Variants in ADAMTS17 observed in about 807,000 individuals in gnomAD.
ADAMTS17 encodes A disintegrin and metalloproteinase with thrombospondin motifs 17.
Under a neutral mutation model 141.5 loss-of-function variants are expected in ADAMTS17, and 113 were observed. The observed-to-expected ratio is 0.80, with a 90% CI of 0.69 to 0.93. The LOEUF is 0.93. ADAMTS17 is among the 40% of genes least tolerant of loss of function. The pLI is 0.00. For missense variants in ADAMTS17, 1,659 were observed against 1,517.9 expected (o/e 1.09, Z -1.54); for synonymous variants, 768 against 630.6 (o/e 1.22, Z -3.27).
intron 12 of ADAMTS17, among the ~76,000 whole-genome samples, chr15:100,130,090 C>T (rs981624687): frequency 9.9e-5 from 15 of 152,184 alleles, no homozygotes; most frequent in Non-Finnish European, 2.2e-4. Context: ...CTGGATTGGG[C>T]ATGGTGGCTC....
Position 99,997,283 on chromosome 15 carries a change from TG to T in ADAMTS17, c.2796+101del. The T allele has an allele frequency of 7.5e-7, 1 of 1,335,364 alleles. No individual in the cohort carries two copies. Among genetic ancestry groups the T allele is most frequent in the Non-Finnish European group, 1.1e-6 (1 of 935,382 alleles). 82.7% of individuals were successfully genotyped at this position (1,335,364 alleles called of 1,614,324 possible). ...GCTATAACACAACTTCAAGCTGACCTGGGGGCGAGCGAGGGCTGGGAGGCAC... is the reference window on the plus strand; with the variant it reads ...GCTATAACACAACTTCAAGCTGACCTGGGGCGAGCGAGGGCTGGGAGGCAC... On this transcript the variant is annotated intron_variant, in intron 19 of 21. Coordinates refer to ENST00000268070, the MANE Select transcript of ADAMTS17 (RefSeq NM_139057.4). The surrounding 1 kb of genome is among the most constrained non-coding windows in gnomAD (Gnocchi z 4.7).
intron 14 of ADAMTS17, among the ~76,000 whole-genome samples, chr15:100,103,574 C>CTTT (rs11411616): frequency 1.8e-3 from 267 of 150,148 alleles, no homozygotes; most frequent in East Asian, 0.01. Context: ...TCCAGCCACT[C>CTTT]TTTTTTTTTC....
Position 100,331,045 on chromosome 15 carries a change from T to C in ADAMTS17, c.460A>G (p.Ile154Val), listed in dbSNP as rs767247318. The change falls in exon 3 of 22, where the codon ATT becomes GTT. Residue 154 changes from isoleucine to valine, a missense_variant. Coordinates refer to ENST00000268070, the MANE Select transcript of ADAMTS17 (RefSeq NM_139057.4). ...AGCACCTGCTCCTGCCCAAGCTGAA[T>C]GAGGCCAACCTGTCCAGAAAGGAGA... ...CGAAGGLVGL[I>V]QLGQEQVLIQ... is the part of the protein sequence containing the mutation. 3.1e-6 allele frequency: 5 copies of C among 1,614,030 alleles called. No homozygotes were observed. Among genetic ancestry groups the C allele is most frequent in the Non-Finnish European group, 4.2e-6 (5 of 1,180,050 alleles).
At chr15:100,051,963 C>T (rs1275163286) in intron 16 of ADAMTS17, among the ~76,000 whole-genome samples, 1 of 152,200 alleles carries the variant, frequency 6.6e-6, no homozygotes, top group Non-Finnish European at 1.5e-5. Context: ...GAGTTCTGTT[C>T]TTTCCTACCC....
chr15:100,313,716 A>G (rs2045474519), intron 3 of ADAMTS17, among the ~76,000 whole-genome samples: 1 of 152,162 alleles, frequency 6.6e-6, no homozygotes, highest in Admixed American at 6.5e-5. Context: ...CTGGACACGT[A>G]CACCCCAAAT....
At chr15:100,000,351 G>A (rs1378686504) in intron 18 of ADAMTS17, among the ~76,000 whole-genome samples, 1 of 152,082 alleles carries the variant, frequency 6.6e-6, no homozygotes, top group Non-Finnish European at 1.5e-5. Context: ...CTCTTCTTTT[G>A]GCCAAGAGTT....
At chr15:100,077,218 T>C (rs2034435528) in intron 15 of ADAMTS17, among the ~76,000 whole-genome samples, 2 of 128,234 alleles carry the variant, frequency 1.6e-5, no homozygotes, top group Non-Finnish European at 3.1e-5. Flanking sequence ...CTGAGACAGG[T>C]GGAACACTTG....
At chr15:100,092,969 C>G (rs1313341659) in intron 15 of ADAMTS17, among the ~76,000 whole-genome samples, 1 of 152,186 alleles carries the variant, frequency 6.6e-6, no homozygotes. Context: ...ATGAAAGCAT[C>G]ATACTCAAAT....
intron 8 of ADAMTS17, among the ~76,000 whole-genome samples, chr15:100,182,753 T>A (rs1292200029): frequency 6.6e-6 from 1 of 152,184 alleles, no homozygotes; most frequent in Non-Finnish European, 1.5e-5. Flanking sequence ...CTGTTTTATT[T>A]GGCCATCTTG....
chr15:100,111,159 C>A (rs537165509), intron 13 of ADAMTS17, among the ~76,000 whole-genome samples: 23 of 152,262 alleles, frequency 1.5e-4, no homozygotes, highest in African/African-American at 5.5e-4. Flanking sequence ...AGGGACTGAC[C>A]CCTCCCTCAC....
Position 100,155,207 on chromosome 15 carries a change from C to T in ADAMTS17, c.1295G>A (p.Ser432Asn), listed in dbSNP as rs780868958. The T allele has an allele frequency of 6.2e-7, 1 of 1,614,208 alleles. No individual in the cohort carries two copies. Among genetic ancestry groups the T allele is most frequent in the Non-Finnish European group, 8.5e-7 (1 of 1,180,036 alleles). The change falls in exon 9 of 22, where the codon AGC (serine) becomes AAC (asparagine). Residue 432 changes from serine to asparagine, a missense_variant. Ser to Asn is a conservative substitution (Grantham distance 46). Coordinates refer to ENST00000268070, the MANE Select transcript of ADAMTS17 (RefSeq NM_139057.4). ...GAGGAAGTTTTCAAGGTCATCTCGG[C>T]TGCAGGAGGACCAAGAGAGGTCACT... ...NPSDLSWSSC[S>N]RDDLENFLKS...
At chr15:100,310,930 G>T (rs1005532356) in intron 3 of ADAMTS17, among the ~76,000 whole-genome samples, 1 of 152,210 alleles carries the variant, frequency 6.6e-6, no homozygotes, top group Non-Finnish European at 1.5e-5. Context: ...TGGAAAGCAG[G>T]CTTTGCAAAA....
rs368715764 is a variant in ADAMTS17 at position 100,118,732 on chromosome 15, G to T, written c.1722-1719C>A. 4.3e-4 allele frequency among the ~76,000 whole-genome samples: 66 copies of T among 152,244 alleles called. No homozygotes were observed. The East Asian group carries it at 9.3e-3, about 21-fold the overall frequency. Reference sequence around the variant, plus strand: ...ACACGGCATGGAAGGAGCACAGAAGGGCTGGCCCCCAAAAGCCACATGGAT... The same window carrying T: ...ACACGGCATGGAAGGAGCACAGAAGTGCTGGCCCCCAAAAGCCACATGGAT... On this transcript the variant is annotated intron_variant, in intron 12 of 21. Coordinates refer to ENST00000268070, the MANE Select transcript of ADAMTS17 (RefSeq NM_139057.4).
chr15:100,155,125 T>C lies in ADAMTS17; in HGVS notation c.1322+55A>G, dbSNP rs1596125572. On this transcript the variant is annotated intron_variant, in intron 9 of 21. Coordinates refer to ENST00000268070, the MANE Select transcript of ADAMTS17 (RefSeq NM_139057.4). Reference sequence around the variant, plus strand: ...ACTTGCTGAGACTCCAATACTTTTGTCTTTTGGAAGTACTTTTGATTGCAT... The same window carrying C: ...ACTTGCTGAGACTCCAATACTTTTGCCTTTTGGAAGTACTTTTGATTGCAT... 45 of 1,613,078 alleles carry C rather than the reference T, an allele frequency of 2.8e-5. 1 individual carries two copies. The highest frequency in any genetic ancestry group is 3.3e-4 in the Middle Eastern group (2 of 6,062).
chr15:100,189,731 G>A (rs1006675531), intron 8 of ADAMTS17, among the ~76,000 whole-genome samples: 1 of 152,186 alleles, frequency 6.6e-6, no homozygotes, highest in Admixed American at 6.5e-5. Flanking sequence ...CTATGTCCTT[G>A]GTATGGCGAT....
Position 99,993,564 on chromosome 15 carries a change from C to G in ADAMTS17, c.2797-364G>C, listed in dbSNP as rs1324593646. Among the ~76,000 whole-genome samples, 1 of 152,172 alleles carries G rather than the reference C, an allele frequency of 6.6e-6. No individual in the cohort carries two copies. Among genetic ancestry groups the G allele is most frequent in the Non-Finnish European group, 1.5e-5 (1 of 68,032 alleles). On this transcript the variant is annotated intron_variant, in intron 19 of 21. Transcript: ENST00000268070. The surrounding 1 kb of genome is among the most constrained non-coding windows in gnomAD (Gnocchi z 4.3). ...ATGGAGCCATGAGTGGGGCAGGGAA[C>G]AGGGGCCAGCCGGAGCAAGGTGAGG...
chr15:100,002,223 TAA>T (rs1174970711), intron 18 of ADAMTS17, among the ~76,000 whole-genome samples: 7 of 151,978 alleles, frequency 4.6e-5, no homozygotes, highest in Non-Finnish European at 4.4e-5. Context: ...ACTTTGTGAA[TAA>T]AGACGTCAGG....
At chr15:100,249,281 T>A (rs1021869552) in intron 7 of ADAMTS17, among the ~76,000 whole-genome samples, 2 of 152,214 alleles carry the variant, frequency 1.3e-5, no homozygotes, top group Admixed American at 1.3e-4. Context: ...TGTTTCAATC[T>A]TCACCCGAAA....
chr15:100,241,072 C>T (rs373875445), intron 7 of ADAMTS17, among the ~76,000 whole-genome samples: 23 of 152,336 alleles, frequency 1.5e-4, no homozygotes, highest in African/African-American at 5.5e-4. Context: ...GATCCATCCA[C>T]ATTGGTCTCC....
Sources: allele counts gnomAD v4.1 joint callset (sites outside exome capture counted in the v4.1 genomes callset), GRCh38; gene constraint gnomAD v4.1.1; non-coding constraint Gnocchi (gnomAD v3.1); transcripts MANE v1.5; gene names NCBI Gene and HGNC (gene_info 2026-07-23, HGNC 2026-07-21).